RBFOX1: variants seen among roughly 807,000 people sequenced by gnomAD.
The protein encoded by RBFOX1 is RNA binding protein fox-1 homolog 1.
In RBFOX1, 8 loss-of-function variants were observed where a neutral mutation model predicts 57.7. That is an observed-to-expected ratio of 0.14 (90% CI 0.08 to 0.25). The LOEUF (loss-of-function observed/expected upper bound fraction) is 0.25. Ranked by LOEUF, RBFOX1 falls within the 10% of genes least tolerant of loss-of-function variation. The probability of loss-of-function intolerance (pLI) is 1.00; values close to 1 mark genes in which losing one functional copy is unlikely to be tolerated. For missense variants in RBFOX1, 611 were observed against 548.5 expected (o/e 1.11, Z -1.14); for synonymous variants, 326 against 222.4 (o/e 1.47, Z -4.15).
intron 1 of RBFOX1, among the ~76,000 whole-genome samples, chr16:5,279,820 A>T (rs2063228495): frequency 6.6e-6 from 1 of 152,038 alleles, no homozygotes; most frequent in Non-Finnish European, 1.5e-5. Flanking sequence ...CCATTTTAAG[A>T]GTTTTTTTGG....
At chr16:7,460,935 G>C (rs990246334) in intron 4 of RBFOX1, among the ~76,000 whole-genome samples, 8 of 152,124 alleles carry the variant, frequency 5.3e-5, no homozygotes, top group African/African-American at 1.7e-4. Flanking sequence ...ACCACATTTT[G>C]AGACCCATCA....
chr16:6,899,187 G>C (rs1332771568), intron 3 of RBFOX1, among the ~76,000 whole-genome samples: 2 of 150,444 alleles, frequency 1.3e-5, no homozygotes. Context: ...TATAATATGT[G>C]TGTGAGTGCA....
rs370134047 is a variant in RBFOX1, at chr16:7,202,475, G to T, written c.27+150377G>T. ...AGATGATCCAACAATTCTTATTCTG[G>T]ATATATATTTAAAAGAGGTGAATGT... On this transcript the variant is annotated intron_variant, in intron 4 of 15. Transcript: ENST00000550418. Among the ~76,000 whole-genome samples the T allele has an allele frequency of 5.9e-5, 9 of 152,254 alleles. No homozygotes were observed. In the South Asian group the frequency reaches 1.5e-3, roughly 25 times the overall value.
At chr16:5,670,567 C>T (rs929634090) in intron 3 of RBFOX1, among the ~76,000 whole-genome samples, 8 of 152,180 alleles carry the variant, frequency 5.3e-5, no homozygotes, top group Non-Finnish European at 7.3e-5. Context: ...GTGATACTGC[C>T]TGAGGTCCTG....
chr16:7,668,605 G>A (rs1053125828), intron 13 of RBFOX1, among the ~76,000 whole-genome samples: 1 of 152,054 alleles, frequency 6.6e-6, no homozygotes, highest in African/African-American at 2.4e-5. Context: ...GGTTGTCTGA[G>A]AATGGAGGGT....
intron 1 of RBFOX1, among the ~76,000 whole-genome samples, chr16:6,141,302 C>T (rs2096714023): frequency 6.6e-6 from 1 of 152,146 alleles, no homozygotes; most frequent in African/African-American, 2.4e-5. Flanking sequence ...GAGGGTTGTT[C>T]TTTTACAAGG....
chr16:5,505,869 T>A (rs988711518), intron 2 of RBFOX1, among the ~76,000 whole-genome samples: 7 of 152,108 alleles, frequency 4.6e-5, no homozygotes. Flanking sequence ...AGCCTCACCC[T>A]GCCATGACAT....
intron 2 of RBFOX1, among the ~76,000 whole-genome samples, chr16:6,605,194 A>G (rs2097909539): frequency 6.6e-6 from 1 of 152,158 alleles, no homozygotes; most frequent in South Asian, 2.1e-4. Context: ...AGATGTGATC[A>G]AACCACTGTA....
intron 3 of RBFOX1, among the ~76,000 whole-genome samples, chr16:6,774,806 T>C (rs186836517): frequency 1.0e-3 from 154 of 152,142 alleles, no homozygotes; most frequent in African/African-American, 3.5e-3. Flanking sequence ...AGCTTTCCAA[T>C]ATAGTAGCCA....
intron 3 of RBFOX1, among the ~76,000 whole-genome samples, chr16:5,728,253 C>G (rs2052228844): frequency 6.6e-6 from 1 of 152,100 alleles, no homozygotes; most frequent in Admixed American, 6.5e-5. Context: ...TGTAGATACA[C>G]ACATAGTGGA....
At chr16:5,899,521 G>A (rs900311354) in intron 4 of RBFOX1, among the ~76,000 whole-genome samples, 2 of 152,172 alleles carry the variant, frequency 1.3e-5, no homozygotes, top group African/African-American at 4.8e-5. Context: ...GAAGAGTGGG[G>A]CCACTCTGTG....
rs188910490 is a variant in RBFOX1, at chr16:6,142,467, C to T, written c.-127+122475C>T. On this transcript the variant is annotated intron_variant, in intron 1 of 15. Coordinates refer to ENST00000550418, the MANE Select transcript of RBFOX1 (RefSeq NM_018723.4). ...CGATCTCCTGACCTTGTGATTCGCC[C>T]GCCTCGGCCTCCCAAAGCGCTGGGA... Among the ~76,000 whole-genome samples, 27 of 152,038 alleles carry T rather than the reference C, an allele frequency of 1.8e-4. No homozygotes were observed. In the East Asian group the frequency reaches 4.3e-3, roughly 24 times the overall value.
intron 1 of RBFOX1, among the ~76,000 whole-genome samples, chr16:6,149,541 C>T (rs1467520735): frequency 6.6e-6 from 1 of 152,160 alleles, no homozygotes; most frequent in African/African-American, 2.4e-5. Context: ...GCAGCTGGTG[C>T]TGACTGGGTG....
At chr16:7,392,849 GGTTTGGTTTGTTT>G (rs751837686) in intron 4 of RBFOX1, among the ~76,000 whole-genome samples, 32 of 149,228 alleles carry the variant, frequency 2.1e-4, no homozygotes, top group African/African-American at 4.0e-4. Flanking sequence ...GTTTTGGTTT[GGTTTGGTTTGTTT>G]GTTTGTTTGT....
At chr16:6,333,778 A>G (rs60760886) in intron 2 of RBFOX1, among the ~76,000 whole-genome samples, 1,861 of 152,322 alleles carry the variant, frequency 0.012, 35 homozygotes, top group African/African-American at 0.042. Context: ...AAGCAGTAAC[A>G]TCTTTTCTAC....
chr16:5,532,175 G>C (rs1389540645), intron 2 of RBFOX1, among the ~76,000 whole-genome samples: 1 of 152,132 alleles, frequency 6.6e-6, no homozygotes, highest in African/African-American at 2.4e-5. Flanking sequence ...GAAAATTCTT[G>C]GTCATGGTTG....
intron 4 of RBFOX1, among the ~76,000 whole-genome samples, chr16:7,237,169 C>T (rs972007764): frequency 3.9e-5 from 6 of 152,166 alleles, no homozygotes; most frequent in African/African-American, 1.4e-4. Flanking sequence ...GCCAGCGTGC[C>T]AGATGCCATC....
chr16:6,057,812 G>C lies in RBFOX1; in HGVS notation c.-127+37820G>C, dbSNP rs373244503. On this transcript the variant is annotated intron_variant, in intron 1 of 15. Coordinates refer to ENST00000550418, the MANE Select transcript of RBFOX1 (RefSeq NM_018723.4). ...CCCTGGCACTGTTGAAATTTTATGA[G>C]GGTTTGCTATGGGTTTTTTTTTTTT... Among the ~76,000 whole-genome samples the C allele has an allele frequency of 3.6e-5, 5 of 140,620 alleles. No individual in the cohort carries two copies. In the East Asian group the frequency reaches 8.4e-4, roughly 24 times the overall value. The allele number at this position is 140,620 out of a possible 152,430, so 92.3% of individuals were successfully genotyped here.
intron 3 of RBFOX1, among the ~76,000 whole-genome samples, chr16:6,911,751 A>G (rs747086090): frequency 2.0e-5 from 3 of 152,216 alleles, no homozygotes; most frequent in Non-Finnish European, 4.4e-5. Context: ...TTTACCATGC[A>G]TACCTACAGC....
Sources: allele counts gnomAD v4.1 joint callset (sites outside exome capture counted in the v4.1 genomes callset), GRCh38; gene constraint gnomAD v4.1.1; transcripts MANE v1.5; gene names NCBI Gene and HGNC (gene_info 2026-07-23, HGNC 2026-07-21).